Variants in DNAH7 observed in about 807,000 individuals in gnomAD.
DNAH7 encodes axonemal beta dynein heavy chain 7.
DNAH7 carries 397 observed loss-of-function variants against 444.6 expected under a neutral mutation model. The observed-to-expected ratio is 0.89, with a 90% CI of 0.82 to 0.97. The LOEUF (loss-of-function observed/expected upper bound fraction) is 0.97. Ranked by LOEUF, DNAH7 falls within the 50% of genes least tolerant of loss-of-function variation. The probability of loss-of-function intolerance (pLI) is 0.00; values close to 1 mark genes in which losing one functional copy is unlikely to be tolerated. For missense variants in DNAH7, 4,902 were observed against 4,800.8 expected (o/e 1.02, Z -0.62); for synonymous variants, 1,636 against 1,624.4 (o/e 1.01, Z -0.17).
At position 195,966,061 on chromosome 2, in the gene DNAH7, G is replaced by A. The variant is rs547491842; in HGVS notation, c.2205+3887C>T. 4.2e-4 allele frequency among the ~76,000 whole-genome samples: 63 copies of A among 151,300 alleles called. 1 individual carries two copies. Among genetic ancestry groups the A allele is most frequent in the African/African-American group, 1.5e-3 (61 of 41,256 alleles). On this transcript the variant is annotated intron_variant, in intron 17 of 64. Transcript: ENST00000312428. ...CATAATTAGATTTTTTTGTTTGTTT[G>A]TGTGTTTGTTTTGGTGTAGGTACCT...
At chr2:195,826,883 G>A (rs1193438043) in intron 48 of DNAH7, among the ~76,000 whole-genome samples, 1 of 152,104 alleles carries the variant, frequency 6.6e-6, no homozygotes, top group East Asian at 1.9e-4. Flanking sequence ...TTTGGCAAAT[G>A]GCTTTGATCT....
chr2:196,026,910 C>A lies in DNAH7; in HGVS notation c.517G>T (p.Asp173Tyr). ...TCCATTGGGGCTACATGGTCTGTAT[C>A]AATTCCATGGTGAATATAATAGTAA... ...RYYYYIHHGI[D>Y]TDHVAPMEDS... is the part of the protein sequence containing the mutation. The change falls in exon 7 of 65, where the codon GAT (aspartate) becomes TAT (tyrosine). Residue 173 changes from aspartate to tyrosine, a missense_variant. By Grantham distance (160) the Asp-to-Tyr change is radical. Coordinates refer to ENST00000312428, the MANE Select transcript of DNAH7 (RefSeq NM_018897.3). 11 of 1,610,946 alleles carry A rather than the reference C, an allele frequency of 6.8e-6. No homozygotes were observed. The highest frequency in any genetic ancestry group is 9.3e-6 in the Non-Finnish European group (11 of 1,178,094).
intron 47 of DNAH7, among the ~76,000 whole-genome samples, chr2:195,837,227 C>T (rs1163086749): frequency 6.6e-6 from 1 of 152,106 alleles, no homozygotes; most frequent in Non-Finnish European, 1.5e-5. Context: ...AAACACCATA[C>T]AAATTAAATA....
intron 48 of DNAH7, among the ~76,000 whole-genome samples, chr2:195,831,481 A>G (rs1357004766): frequency 6.6e-6 from 1 of 152,132 alleles, no homozygotes; most frequent in Non-Finnish European, 1.5e-5. Flanking sequence ...TCTAAACATA[A>G]CTCCTTAAAT....
At chr2:195,906,814 T>A (rs772150383) in intron 26 of DNAH7, 28 bp from the exon 27 acceptor site, 2 of 1,612,274 alleles carry the variant, frequency 1.2e-6, no homozygotes, top group African/African-American at 2.7e-5. Flanking sequence ...TGAAATGACT[T>A]AGTAATACCA....
intron 36 of DNAH7, among the ~76,000 whole-genome samples, chr2:195,877,501 A>G (rs1406508512): frequency 4.6e-5 from 7 of 152,266 alleles, no homozygotes; most frequent in Non-Finnish European, 1.0e-4. Context: ...AAAATATCAA[A>G]TGGTAAAATA....
At chr2:195,738,676 A>G (rs1366764238) in intron 64 of DNAH7, among the ~76,000 whole-genome samples, 1 of 152,186 alleles carries the variant, frequency 6.6e-6, no homozygotes, top group Non-Finnish European at 1.5e-5. Flanking sequence ...AATTCCTACA[A>G]TTTGTTATTA....
intron 61 of DNAH7, 36 bp from the exon 62 acceptor site, chr2:195,756,321 T>A (rs1694071917): frequency 6.7e-7 from 1 of 1,486,988 alleles, no homozygotes; most frequent in South Asian, 1.4e-5. Context: ...TATAATAGTA[T>A]AGATTATGAT....
chr2:195,778,628 A>AAAT (rs1357258855), intron 58 of DNAH7, among the ~76,000 whole-genome samples: 3 of 47,206 alleles, frequency 6.4e-5, no homozygotes, highest in African/African-American at 3.0e-4. Flanking sequence ...GAAAAAAAAA[A>AAAT]AAAATAAATA....
At chr2:196,044,203 A>ATATATGTG (rs1553611806) in intron 5 of DNAH7, among the ~76,000 whole-genome samples, 12 of 146,996 alleles carry the variant, frequency 8.2e-5, no homozygotes, top group African/African-American at 1.0e-4. Context: ...ATATATATAT[A>ATATATGTG]TGTGTGTGTG....
At chr2:195,952,998 G>A (rs759077777) in intron 19 of DNAH7, among the ~76,000 whole-genome samples, 1 of 152,108 alleles carries the variant, frequency 6.6e-6, no homozygotes, top group Non-Finnish European at 1.5e-5. Context: ...GTAATCCTTT[G>A]GAGGAGAAGA....
intron 8 of DNAH7, among the ~76,000 whole-genome samples, chr2:196,020,088 CTCTT>C (rs1381949795): frequency 1.3e-5 from 2 of 151,984 alleles, no homozygotes; most frequent in East Asian, 1.9e-4. Context: ...AATATATTTT[CTCTT>C]TCTTATGATT....
In DNAH7 at chr2:195,857,679, G is replaced by A. The variant is rs1184263232; in HGVS notation, c.8112C>T (p.Val2704=). 2 of 1,612,696 alleles carry A rather than the reference G, an allele frequency of 1.2e-6. No individual in the cohort carries two copies. The highest frequency in any genetic ancestry group is 3.3e-5 in the Admixed American group (2 of 59,814). ...TGCATATAGCTTCCATAACAAGCTT[G>A]ACACCAGCAGGAGGACTCTTCATGG... ...VKSMKSPPAG[V]KLVMEAICIL... The change falls in exon 44 of 65, where the codon GTC becomes GTT. Residue 2704 remains valine, a synonymous_variant. Coordinates refer to ENST00000312428, the MANE Select transcript of DNAH7 (RefSeq NM_018897.3).
At chr2:196,063,486 C>G (rs1473857591) in intron 1 of DNAH7, 1 of 152,190 alleles carries the variant, frequency 6.6e-6, no homozygotes, top group Non-Finnish European at 1.5e-5. Flanking sequence ...ACTATTAGAA[C>G]AGCTTCTAAC....
intron 47 of DNAH7, among the ~76,000 whole-genome samples, chr2:195,835,595 C>T (rs927133904): frequency 6.6e-6 from 1 of 152,102 alleles, no homozygotes; most frequent in Admixed American, 6.5e-5. Flanking sequence ...CCTGTAATCC[C>T]AGCACTTTCG....
At chr2:196,015,125 T>C (rs368194600) in intron 9 of DNAH7, among the ~76,000 whole-genome samples, 1 of 152,300 alleles carries the variant, frequency 6.6e-6, no homozygotes, top group East Asian at 1.9e-4. Flanking sequence ...TAATTTGTAA[T>C]TATGATAGGT....
At position 195,904,060 on chromosome 2, in the gene DNAH7, C is replaced by T. The variant is rs954443663; in HGVS notation, c.4335+2599G>A. 3.3e-5 allele frequency: 5 copies of T among 152,344 alleles called. No homozygotes were observed. The South Asian group carries it at 6.2e-4, about 19-fold the overall frequency. 9.4% of individuals were successfully genotyped at this position (152,344 alleles called of 1,614,324 possible). ...TACATACCTTCTGGCAGAGTGAGAG[C>T]TCTCCAACAGTGAAGTTTACATGGA... On this transcript the variant is annotated intron_variant, in intron 27 of 64. Transcript: ENST00000312428.
At chr2:195,920,690 A>C (rs1156267779) in intron 24 of DNAH7, among the ~76,000 whole-genome samples, 1 of 152,244 alleles carries the variant, frequency 6.6e-6, no homozygotes, top group African/African-American at 2.4e-5. Flanking sequence ...ACCCAAAAGC[A>C]AATGCAACAA....
intron 61 of DNAH7, among the ~76,000 whole-genome samples, chr2:195,766,659 T>C (rs1367959880): frequency 6.6e-6 from 1 of 152,096 alleles, no homozygotes; most frequent in Non-Finnish European, 1.5e-5. Flanking sequence ...AATAATTTAA[T>C]TGCACATTTA....
Sources: gnomAD v4.1 joint callset for allele counts (sites outside exome capture counted in the v4.1 genomes callset) on GRCh38, gnomAD v4.1.1 for gene constraint, MANE v1.5 for transcripts, NCBI Gene and HGNC (gene_info 2026-07-23, HGNC 2026-07-21) for gene names.